The following MYBPC2 variants were observed in gnomAD, a reference collection of about 807,000 sequenced individuals.
MYBPC2 encodes myosin-binding protein C, fast-type.
In MYBPC2, 122 loss-of-function variants were observed where a neutral mutation model predicts 137.0. The observed-to-expected ratio is 0.89, with a 90% CI of 0.77 to 1.03. The LOEUF (loss-of-function observed/expected upper bound fraction) is 1.03. MYBPC2 is among the 50% of genes least tolerant of loss of function. The probability of loss-of-function intolerance (pLI) is 0.00; values close to 1 mark genes in which losing one functional copy is unlikely to be tolerated. For missense variants in MYBPC2, 1,500 were observed against 1,534.4 expected (o/e 0.98, Z 0.37); for synonymous variants, 626 against 612.3 (o/e 1.02, Z -0.33).
Position 50,436,466 on chromosome 19 carries a change from C to A in MYBPC2, c.346-151C>A, listed in dbSNP as rs966033808. ...TCAGATATGAGGAGACAGAGCTGGC[C>A]ACCAGGTGCTGAGACCCCTCTCGGT... On this transcript the variant is annotated intron_variant, in intron 4 of 27. Coordinates refer to ENST00000357701, the MANE Select transcript of MYBPC2 (RefSeq NM_004533.4). The A allele has an allele frequency of 3.8e-5, 29 of 761,458 alleles. No individual in the cohort carries two copies. The African/African-American group carries it at 4.6e-4, about 12-fold the overall frequency. 47.2% of individuals were successfully genotyped at this position (761,458 alleles called of 1,614,324 possible).
chr19:50,437,743 A>T (rs73054411), intron 7 of MYBPC2, 25 bp downstream of exon 7: 97 of 1,589,710 alleles, frequency 6.1e-5, no homozygotes, highest in Non-Finnish European at 7.1e-5. Flanking sequence ...TGGCACAGAG[A>T]GGGGAGATGG....
At chr19:50,446,190 A>C in intron 12 of MYBPC2, 138 bp downstream of exon 12, 1 of 1,069,370 alleles carries the variant, frequency 9.4e-7, no homozygotes, top group Non-Finnish European at 1.3e-6. Flanking sequence ...CCCACCAGGG[A>C]GATCTGATGG....
In MYBPC2 at chr19:50,458,823, G is replaced by T. The variant is rs570695035; in HGVS notation, c.2506+69G>T. ...TCGTCCCGCCTGCCCTTTCCGTGTC[G>T]TCGACAGGACCTCCCCAGAGAGCCT... On this transcript the variant is annotated intron_variant, in intron 21 of 27. Coordinates refer to ENST00000357701, the MANE Select transcript of MYBPC2 (RefSeq NM_004533.4). 2.3e-5 allele frequency: 36 copies of T among 1,597,490 alleles called. No homozygotes were observed. The South Asian group carries it at 3.9e-4, about 17-fold the overall frequency.
At position 50,461,314 on chromosome 19, in the gene MYBPC2, C is replaced by T. The variant is rs142338823; in HGVS notation, c.2932-228C>T. 1.3e-3 allele frequency among the ~76,000 whole-genome samples: 192 copies of T among 152,254 alleles called. 1 individual carries two copies. Among genetic ancestry groups the T allele is most frequent in the African/African-American group, 4.4e-3 (182 of 41,562 alleles). On this transcript the variant is annotated intron_variant, in intron 24 of 27. Coordinates refer to ENST00000357701, the MANE Select transcript of MYBPC2 (RefSeq NM_004533.4). ...GCCACGGTGCCTGACCCCTTCTTAG[C>T]GTTGAATGATGTTCCTTTGTCTGGG...
Position 50,465,780 on chromosome 19 carries a change from G to C in MYBPC2, c.3416-415G>C, listed in dbSNP as rs1012822984. Among the ~76,000 whole-genome samples the C allele has an allele frequency of 6.6e-6, 1 of 152,170 alleles. No homozygotes were observed. The highest frequency in any genetic ancestry group is 2.4e-5 in the African/African-American group (1 of 41,440). ...GGATCACTTGAACCAGGGAGGCCGA[G>C]GCTGCAGTGAGCTGAGATGGCACCA... On this transcript the variant is annotated intron_variant, in intron 27 of 27. Transcript: ENST00000357701. The surrounding 1 kb of genome is among the most constrained non-coding windows in gnomAD (Gnocchi z 4.5).
At chr19:50,433,029 A>G in intron 1 of MYBPC2, 57 bp downstream of exon 1, 5 of 1,528,060 alleles carry the variant, frequency 3.3e-6, no homozygotes, top group Non-Finnish European at 3.5e-6. Context: ...CTGGATGGGG[A>G]TTTGGGACCC....
intron 16 of MYBPC2, 141 bp from the exon 17 acceptor site, chr19:50,453,879 G>A (rs1185347714): frequency 1.6e-5 from 15 of 953,668 alleles, no homozygotes; most frequent in East Asian, 1.1e-4. Context: ...TTTGGAGGGC[G>A]AGGAGGGCAG....
At position 50,441,023 on chromosome 19, in the gene MYBPC2, G is replaced by A. The variant is rs568769632; in HGVS notation, c.716G>A (p.Arg239Gln). The change falls in exon 8 of 28, where the codon CGG becomes CAG. Residue 239 changes from arginine (R) to glutamine (Q), a missense_variant. Physicochemically the swap from Arg to Gln is conservative, Grantham distance 43. Transcript: ENST00000357701. Reference protein sequence around the residue: ...IAFQYGITDLRGMLKRLKKAK... With the variant: ...IAFQYGITDLQGMLKRLKKAK... ...TTCCAGTATGGCATCACCGACCTCCGGGGCATGCTGAAGCGGCTGAAAAAG... is the reference window on the plus strand; with the variant it reads ...TTCCAGTATGGCATCACCGACCTCCAGGGCATGCTGAAGCGGCTGAAAAAG... The A allele has an allele frequency of 7.5e-6, 12 of 1,609,400 alleles. No individual in the cohort carries two copies. The highest frequency in any genetic ancestry group is 5.6e-5 in the South Asian group (5 of 90,034).
intron 24 of MYBPC2, 78 bp downstream of exon 24, chr19:50,460,257 G>T: frequency 6.7e-7 from 1 of 1,496,470 alleles, no homozygotes; most frequent in East Asian, 2.4e-5. Context: ...GTTCACAGCT[G>T]GAAGGGCAGG....
Position 50,435,089 on chromosome 19 carries a change from A to T in MYBPC2, c.20-72A>T, listed in dbSNP as rs149908356. The T allele has an allele frequency of 1.4e-6, 1 of 700,670 alleles. No individual in the cohort carries two copies. Among genetic ancestry groups the T allele is most frequent in the Non-Finnish European group, 2.6e-6 (1 of 381,676 alleles). The allele number at this position is 700,670 out of a possible 1,614,324, so 43.4% of individuals were successfully genotyped here. ...AGGGAGGAGGGGCTGGGGGGTCTGGACTCCTGCGTCTGAGGGAGGGGCATG... is the reference window on the plus strand; with the variant it reads ...AGGGAGGAGGGGCTGGGGGGTCTGGTCTCCTGCGTCTGAGGGAGGGGCATG... On this transcript the variant is annotated intron_variant, in intron 1 of 27. Coordinates refer to ENST00000357701, the MANE Select transcript of MYBPC2 (RefSeq NM_004533.4). The surrounding 1 kb of genome is among the most constrained non-coding windows in gnomAD (Gnocchi z 4.8).
At chr19:50,450,701 G>A (rs1332906557) in intron 13 of MYBPC2, 128 bp from the exon 14 acceptor site, 3 of 656,832 alleles carry the variant, frequency 4.6e-6, no homozygotes, top group Non-Finnish European at 5.3e-6. Flanking sequence ...AGACCACAGC[G>A]TTCCAAAGCC....
chr19:50,455,436 T>C, intron 19 of MYBPC2, 74 bp from the exon 20 acceptor site: 1 of 1,574,660 alleles, frequency 6.4e-7, no homozygotes. Context: ...TCATTCTACC[T>C]CTGACTCCTG....
rs778947033 is a variant in MYBPC2 at position 50,454,013 on chromosome 19, C to T, written c.1750-7C>T. ...GGGGTGCAAGGCCATCTGGTGGCTG[C>T]GTTCAGGTATTCACGACCACCGAGG... On this transcript the variant is annotated splice_polypyrimidine_tract_variant and splice_region_variant and intron_variant, in intron 16 of 27. Transcript: ENST00000357701. 5 of 1,586,036 alleles carry T rather than the reference C, an allele frequency of 3.2e-6. No individual in the cohort carries two copies. Among genetic ancestry groups the T allele is most frequent in the South Asian group, 2.3e-5 (2 of 87,130 alleles).
In MYBPC2 at chr19:50,452,329, C is replaced by A. The variant is rs1230605897; in HGVS notation, c.1749+326C>A. ...TTAATTCACCCAGCCATCCACTCGT[C>A]CAGTAATTAATCTGTTTGTCCATTT... On this transcript the variant is annotated intron_variant, in intron 16 of 27. Coordinates refer to ENST00000357701, the MANE Select transcript of MYBPC2 (RefSeq NM_004533.4). Among the ~76,000 whole-genome samples the A allele has an allele frequency of 3.3e-5, 5 of 152,164 alleles. No homozygotes were observed. The East Asian group carries it at 9.6e-4, about 29-fold the overall frequency.
chr19:50,463,536 C>A (rs1336718295), intron 26 of MYBPC2, among the ~76,000 whole-genome samples: 6 of 152,176 alleles, frequency 3.9e-5, no homozygotes, highest in Non-Finnish European at 8.8e-5. Flanking sequence ...TTTATTCTTA[C>A]AACAAACATT....
chr19:50,452,074 G>A (rs753503998), intron 16 of MYBPC2, 71 bp downstream of exon 16: 60 of 1,454,078 alleles, frequency 4.1e-5, no homozygotes, highest in Non-Finnish European at 5.6e-5. Flanking sequence ...CTGAGCCTGA[G>A]TTTCATCCTC....
rs371815012 is a variant in MYBPC2 at position 50,460,052 on chromosome 19, C to T, written c.2804C>T (p.Pro935Leu). The T allele has an allele frequency of 2.2e-5, 34 of 1,553,088 alleles. No individual in the cohort carries two copies. The highest frequency in any genetic ancestry group is 2.8e-5 in the Non-Finnish European group (32 of 1,148,286). Residue 935 changes from proline to leucine, a missense_variant, in exon 24 of 28, where the codon CCC (proline) becomes CTC (leucine). Coordinates refer to ENST00000357701, the MANE Select transcript of MYBPC2 (RefSeq NM_004533.4). ...TCCCCATTTCCAGAAAAGGCTGGGCCCCCCATAAACGTGATGGTGAAGGAG... is the reference window on the plus strand; with the variant it reads ...TCCCCATTTCCAGAAAAGGCTGGGCTCCCCATAAACGTGATGGTGAAGGAG... ...IRIRVVEKAG[P>L]PINVMVKEVW...
Position 50,459,204 on chromosome 19 carries a change from T to C in MYBPC2, c.2689T>C (p.Phe897Leu), listed in dbSNP as rs1016515765. ...HVRTSDFDTV[F>L]FVRQAARSDS... ...GCGGACCAGCGACTTCGACACCGTG[T>C]TCTTCGTGCGCCAGGCGGCCCGCTC... Residue 897 changes from phenylalanine to leucine, a missense_variant, in exon 23 of 28, where the codon TTC (phenylalanine) becomes CTC (leucine). Physicochemically the swap from Phe to Leu is conservative, Grantham distance 22. Coordinates refer to ENST00000357701, the MANE Select transcript of MYBPC2 (RefSeq NM_004533.4). 2 of 1,610,506 alleles carry C rather than the reference T, an allele frequency of 1.2e-6. No homozygotes were observed. Among genetic ancestry groups the C allele is most frequent in the African/African-American group, 1.3e-5 (1 of 74,778 alleles).
chr19:50,453,544 T>C (rs2039879744), intron 16 of MYBPC2, among the ~76,000 whole-genome samples: 1 of 151,958 alleles, frequency 6.6e-6, no homozygotes, highest in Non-Finnish European at 1.5e-5. Context: ...TTTCTTTTTT[T>C]CTCTTTTTTT....
Sources: allele counts gnomAD v4.1 joint callset (sites outside exome capture counted in the v4.1 genomes callset), GRCh38; gene constraint gnomAD v4.1.1; non-coding constraint Gnocchi (gnomAD v3.1); transcripts MANE v1.5; gene names NCBI Gene and HGNC (gene_info 2026-07-23, HGNC 2026-07-21).